Variants in AK5 observed in about 807,000 individuals in gnomAD.
AK5 encodes the protein adenylate kinase 5, also known as adenylate kinase isoenzyme 5.
AK5 carries 27 observed loss-of-function variants against 69.5 expected under a neutral mutation model. The observed-to-expected ratio is 0.39, with a 90% CI of 0.29 to 0.54. The LOEUF (loss-of-function observed/expected upper bound fraction) is 0.54. Among genes scored for constraint, AK5 ranks in the 20% least tolerant of loss-of-function variants. AK5 has a pLI of 0.71. For missense variants in AK5, 531 were observed against 700.4 expected (o/e 0.76, Z 2.73); for synonymous variants, 260 against 244.4 (o/e 1.06, Z -0.60).
At chr1:77,468,030 G>T (rs1654248633) in intron 8 of AK5, among the ~76,000 whole-genome samples, 1 of 152,224 alleles carries the variant, frequency 6.6e-6, no homozygotes. Flanking sequence ...AGGGGCTTAA[G>T]TGCTGGGGTA....
chr1:77,533,532 A>C (rs889419109), intron 12 of AK5, among the ~76,000 whole-genome samples: 3 of 144,316 alleles, frequency 2.1e-5, no homozygotes, highest in Admixed American at 7.0e-5. Flanking sequence ...AAAAAAAAAA[A>C]AAACAGATTC....
At chr1:77,556,677 C>T (rs945149481) in intron 13 of AK5, among the ~76,000 whole-genome samples, 1 of 152,132 alleles carries the variant, frequency 6.6e-6, no homozygotes, top group Non-Finnish European at 1.5e-5. Flanking sequence ...CCTCTGGAAG[C>T]AGTGAAAGCC....
intron 13 of AK5, among the ~76,000 whole-genome samples, chr1:77,552,514 G>A (rs1210059171): frequency 6.6e-6 from 1 of 152,326 alleles, no homozygotes; most frequent in African/African-American, 2.4e-5. Flanking sequence ...TGGCCACTGT[G>A]ATAGTCAGTG....
At chr1:77,299,618 A>G (rs1280626253) in intron 5 of AK5, among the ~76,000 whole-genome samples, 1 of 152,096 alleles carries the variant, frequency 6.6e-6, no homozygotes, top group Non-Finnish European at 1.5e-5. Flanking sequence ...TCTGGCTTTG[A>G]AGAGAGAAAA....
At chr1:77,305,750 T>C (rs1192641455) in intron 5 of AK5, among the ~76,000 whole-genome samples, 1 of 152,228 alleles carries the variant, frequency 6.6e-6, no homozygotes, top group Non-Finnish European at 1.5e-5. Context: ...TACAGCTCTG[T>C]AGTATAATTT....
intron 13 of AK5, among the ~76,000 whole-genome samples, chr1:77,550,297 T>G (rs1477211289): frequency 6.6e-6 from 1 of 152,182 alleles, no homozygotes; most frequent in Non-Finnish European, 1.5e-5. Flanking sequence ...CTAACTAAAT[T>G]AAATACATTA....
chr1:77,433,484 A>C (rs1371551362), intron 8 of AK5, among the ~76,000 whole-genome samples: 1 of 152,202 alleles, frequency 6.6e-6, no homozygotes, highest in Non-Finnish European at 1.5e-5. Flanking sequence ...AAACAATTTA[A>C]ATATGACAAT....
At chr1:77,368,176 C>G (rs573256502) in intron 6 of AK5, among the ~76,000 whole-genome samples, 3 of 120,190 alleles carry the variant, frequency 2.5e-5, no homozygotes, top group African/African-American at 8.8e-5. Context: ...GTGACAACCT[C>G]TTGTCATTAT....
chr1:77,549,404 A>T (rs1423922079), intron 13 of AK5, among the ~76,000 whole-genome samples: 1 of 152,088 alleles, frequency 6.6e-6, no homozygotes, highest in African/African-American at 2.4e-5. Context: ...CGTCAGGGTA[A>T]ATGAGGTATC....
chr1:77,337,821 G>A (rs1284768546), intron 5 of AK5, among the ~76,000 whole-genome samples: 1 of 152,168 alleles, frequency 6.6e-6, no homozygotes, highest in Non-Finnish European at 1.5e-5. Context: ...GACAAACAAC[G>A]AATAGAAGGC....
intron 2 of AK5, among the ~76,000 whole-genome samples, chr1:77,290,241 A>G (rs916262437): frequency 1.3e-5 from 2 of 152,198 alleles, no homozygotes; most frequent in African/African-American, 2.4e-5. Flanking sequence ...TAATAATACA[A>G]TTCTGTTTCA....
chr1:77,434,969 A>G (rs952304612), intron 8 of AK5, among the ~76,000 whole-genome samples: 2 of 152,238 alleles, frequency 1.3e-5, no homozygotes, highest in African/African-American at 4.8e-5. Flanking sequence ...CAATTCAAAC[A>G]TATCAAGAAA....
chr1:77,465,023 G>C (rs1461524300), intron 8 of AK5, among the ~76,000 whole-genome samples: 1 of 152,148 alleles, frequency 6.6e-6, no homozygotes, highest in Non-Finnish European at 1.5e-5. Flanking sequence ...TTGGAAAGAG[G>C]GAGCAGCGTC....
chr1:77,298,818 A>G (rs1288662286), intron 5 of AK5, among the ~76,000 whole-genome samples: 1 of 152,158 alleles, frequency 6.6e-6, no homozygotes, highest in African/African-American at 2.4e-5. Context: ...CCTGGGTGAC[A>G]CAGCAAGACC....
chr1:77,412,723 T>G (rs1417459711), intron 7 of AK5, among the ~76,000 whole-genome samples: 1 of 152,032 alleles, frequency 6.6e-6, no homozygotes, highest in African/African-American at 2.4e-5. Context: ...CCCGCCACTG[T>G]TTTTTTCTCT....
At chr1:77,493,942 T>C (rs1240267126) in intron 10 of AK5, among the ~76,000 whole-genome samples, 1 of 152,220 alleles carries the variant, frequency 6.6e-6, no homozygotes, top group Admixed American at 6.5e-5. Context: ...TAGAATGCAA[T>C]GCATTCTTCA....
At chr1:77,345,320 T>C (rs1661859959) in intron 6 of AK5, among the ~76,000 whole-genome samples, 1 of 152,204 alleles carries the variant, frequency 6.6e-6, no homozygotes. Context: ...CAACTAAATC[T>C]CTTCAGCCAG....
intron 10 of AK5, among the ~76,000 whole-genome samples, chr1:77,506,531 T>C (rs1449778142): frequency 6.6e-6 from 1 of 152,074 alleles, no homozygotes; most frequent in South Asian, 2.1e-4. Context: ...ACCTGAACCT[T>C]CCTCATTTTC....
intron 6 of AK5, among the ~76,000 whole-genome samples, chr1:77,407,144 G>A (rs948583044): frequency 6.6e-6 from 1 of 150,560 alleles, no homozygotes; most frequent in African/African-American, 2.4e-5. Context: ...AATTAACAGA[G>A]AAAGACATTA....
Sources: gnomAD v4.1 joint callset for allele counts (sites outside exome capture counted in the v4.1 genomes callset) on GRCh38, gnomAD v4.1.1 for gene constraint, MANE v1.5 for transcripts, NCBI Gene and HGNC (gene_info 2026-07-23, HGNC 2026-07-21) for gene names.